The following MBNL2 variants were observed in gnomAD, a reference collection of about 807,000 sequenced individuals.
MBNL2 encodes muscleblind like splicing regulator 2, also known as muscleblind-like protein 2.
Under a neutral mutation model 41.9 loss-of-function variants are expected in MBNL2, and 17 were observed. The ratio of observed to expected loss-of-function variants is 0.41; its 90% CI spans 0.28 to 0.61. The LOEUF (loss-of-function observed/expected upper bound fraction) is 0.61. Among genes scored for constraint, MBNL2 ranks in the 20% least tolerant of loss-of-function variants. MBNL2 has a pLI of 0.35. For missense variants in MBNL2, 336 were observed against 505.6 expected (o/e 0.66, Z 3.22); for synonymous variants, 195 against 182.9 (o/e 1.07, Z -0.53).
At chr13:97,276,671 A>C (rs2052203029) in intron 2 of MBNL2, among the ~76,000 whole-genome samples, 1 of 152,204 alleles carries the variant, frequency 6.6e-6, no homozygotes, top group African/African-American at 2.4e-5. Flanking sequence ...GTTTTAAATC[A>C]AAGTCTGGCT....
At chr13:97,177,883 A>AT in the MBNL2 span, among the ~76,000 whole-genome samples, 1 of 152,218 alleles carries the variant, frequency 6.6e-6, no homozygotes, top group East Asian at 1.9e-4. Flanking sequence ...GTATCTTCAA[A>AT]TTGTGGTAGA....
chr13:97,145,748 G>A, the MBNL2 span, among the ~76,000 whole-genome samples: 3 of 152,144 alleles, frequency 2.0e-5, no homozygotes, highest in Non-Finnish European at 4.4e-5. Flanking sequence ...GCAGAAAAGA[G>A]CCTGCCAAGT....
intron 5 of MBNL2, among the ~76,000 whole-genome samples, chr13:97,355,403 C>T (rs1410710697): frequency 6.6e-6 from 1 of 151,948 alleles, no homozygotes; most frequent in Admixed American, 6.6e-5. Context: ...TTAACTGTTT[C>T]CCATTTTAAA....
At chr13:97,200,827 A>T in the MBNL2 span, among the ~76,000 whole-genome samples, 1 of 151,720 alleles carries the variant, frequency 6.6e-6, no homozygotes, top group Non-Finnish European at 1.5e-5. Flanking sequence ...CTGGAGAAAA[A>T]CTCCAGTTGC....
chr13:97,218,443 A>AACAAAACAAC (rs761126259), upstream of MBNL2, among the ~76,000 whole-genome samples: 3 of 143,454 alleles, frequency 2.1e-5, no homozygotes, highest in Non-Finnish European at 3.0e-5. Flanking sequence ...AACAAAACAA[A>AACAAAACAAC]AAAAAAAAAC....
the MBNL2 span, among the ~76,000 whole-genome samples, chr13:97,167,390 A>C: frequency 1.1e-4 from 1 of 8,748 alleles, no homozygotes; most frequent in East Asian, 1.9e-3. Context: ...TGCTTTATGT[A>C]AAAAAAAAAA....
chr13:97,347,905 C>T (rs935449850), intron 5 of MBNL2, among the ~76,000 whole-genome samples: 1 of 152,086 alleles, frequency 6.6e-6, no homozygotes, highest in African/African-American at 2.4e-5. Context: ...AAAACATCTC[C>T]CAGGTGTTTT....
intron 2 of MBNL2, among the ~76,000 whole-genome samples, chr13:97,330,832 G>C (rs964290265): frequency 6.6e-6 from 1 of 152,074 alleles, no homozygotes; most frequent in Non-Finnish European, 1.5e-5. Flanking sequence ...CAATCCTATA[G>C]GATCCATTAC....
At chr13:97,355,653 T>C (rs1398165773) in intron 5 of MBNL2, among the ~76,000 whole-genome samples, 1 of 152,166 alleles carries the variant, frequency 6.6e-6, no homozygotes, top group Admixed American at 6.5e-5. Context: ...AAATTTTTCA[T>C]TGTGGTCTAA....
At chr13:97,302,826 G>C (rs1031149842) in intron 2 of MBNL2, among the ~76,000 whole-genome samples, 8 of 152,338 alleles carry the variant, frequency 5.3e-5, no homozygotes, top group African/African-American at 1.7e-4. Flanking sequence ...GGCAGGCAGA[G>C]AGTGAAAAGG....
chr13:97,232,086 A>G (rs2152784256), intron 1 of MBNL2, among the ~76,000 whole-genome samples: 1 of 116,558 alleles, frequency 8.6e-6, no homozygotes, highest in African/African-American at 2.5e-5. Context: ...AAGTCTTGTA[A>G]TAGAAACGAA....
chr13:97,289,642 T>TAATC (rs1443049403), intron 2 of MBNL2, among the ~76,000 whole-genome samples: 1 of 152,234 alleles, frequency 6.6e-6, no homozygotes, highest in Non-Finnish European at 1.5e-5. Flanking sequence ...ATTTTACAAA[T>TAATC]AATCATTGAG....
Position 97,363,914 on chromosome 13 carries a change from C to G in MBNL2, c.1013-1222C>G, listed in dbSNP as rs1035389367. On this transcript the variant is annotated intron_variant, in intron 7 of 8. Coordinates refer to ENST00000679496, the MANE Select transcript of MBNL2 (RefSeq NM_001382683.1). ...ACAGAGAGAATAAAGACCTACACAT[C>G]TCAAATTCTCCAACTAATATCTCAG... 3.9e-5 allele frequency among the ~76,000 whole-genome samples: 6 copies of G among 152,130 alleles called. 1 individual carries two copies. Among genetic ancestry groups the G allele is most frequent in the Admixed American group, 2.6e-4 (4 of 15,278 alleles).
At chr13:97,261,485 C>T (rs999465844) in intron 1 of MBNL2, among the ~76,000 whole-genome samples, 1 of 152,170 alleles carries the variant, frequency 6.6e-6, no homozygotes, top group African/African-American at 2.4e-5. Context: ...AAGACCTTGA[C>T]CTTTGAAATT....
At chr13:97,238,654 A>G (rs74571999) in intron 1 of MBNL2, among the ~76,000 whole-genome samples, 1,991 of 152,270 alleles carry the variant, frequency 0.013, 45 homozygotes, top group African/African-American at 0.044. Flanking sequence ...GCAAGGCACC[A>G]GGGAAGTGGA....
At chr13:97,284,849 C>T (rs994255946) in intron 2 of MBNL2, among the ~76,000 whole-genome samples, 1 of 152,170 alleles carries the variant, frequency 6.6e-6, no homozygotes, top group Admixed American at 6.5e-5. Context: ...AAAATAGCAA[C>T]ACTTATTTTC....
At chr13:97,157,238 T>G in the MBNL2 span, among the ~76,000 whole-genome samples, 1 of 142,584 alleles carries the variant, frequency 7.0e-6, no homozygotes, top group Non-Finnish European at 1.5e-5. Flanking sequence ...TTTTGCACAT[T>G]GATTTTGTAT....
At chr13:97,185,775 T>A in the MBNL2 span, among the ~76,000 whole-genome samples, 1 of 152,226 alleles carries the variant, frequency 6.6e-6, no homozygotes, top group Non-Finnish European at 1.5e-5. Flanking sequence ...GCTGTAAATG[T>A]GTGTGTCTTA....
At chr13:97,154,070 A>G in the MBNL2 span, among the ~76,000 whole-genome samples, 1 of 152,210 alleles carries the variant, frequency 6.6e-6, no homozygotes, top group Non-Finnish European at 1.5e-5. Context: ...AATAAAAGGC[A>G]TTCATTCACT....
Sources: allele counts gnomAD v4.1 joint callset (sites outside exome capture counted in the v4.1 genomes callset), GRCh38; gene constraint gnomAD v4.1.1; transcripts MANE v1.5; gene names NCBI Gene and HGNC (gene_info 2026-07-23, HGNC 2026-07-21).